The following ZNF239 variants were observed in gnomAD, a reference collection of about 807,000 sequenced individuals.
The protein encoded by ZNF239 is zinc finger protein 239, also known as zinc finger protein (C2H2) homologous to mouse MOK-2.
Under a neutral mutation model 27.5 loss-of-function variants are expected in ZNF239, and 16 were observed. That is an observed-to-expected ratio of 0.58 (90% CI 0.39 to 0.88). The LOEUF (loss-of-function observed/expected upper bound fraction) is 0.88, where lower values mean the gene tolerates loss of function less well. Among genes scored for constraint, ZNF239 ranks in the 40% least tolerant of loss-of-function variants. The pLI is 0.00. For synonymous variants in ZNF239, 199 were observed against 192.6 expected (o/e 1.03, Z -0.27); for missense variants, 527 against 551.9 (o/e 0.95, Z 0.45).
chr10:43,565,038 C>T (rs756651349), intron 3 of ZNF239, among the ~76,000 whole-genome samples: 84 of 152,152 alleles, frequency 5.5e-4, no homozygotes, highest in Middle Eastern at 3.2e-3. Flanking sequence ...GCAATAATGT[C>T]CCCAAGGGGT....
chr10:43,561,810 T>C lies in ZNF239; in HGVS notation c.-92-3639A>G, dbSNP rs181197926. Among the ~76,000 whole-genome samples, 945 of 151,464 alleles carry C rather than the reference T, an allele frequency of 6.2e-3. 6 individuals are homozygous for C. Among genetic ancestry groups the C allele is most frequent in the Admixed American group, 8.9e-3 (135 of 15,202 alleles). ...ACCAGTGTGTGCAACACGGCAAAAC[T>C]CTCTCTACAAAATACAAAACAAAAA... On this transcript the variant is annotated intron_variant, in intron 3 of 3. Coordinates refer to ENST00000374446, the MANE Select transcript of ZNF239 (RefSeq NM_001099282.2).
chr10:43,565,118 C>G (rs1837539363), intron 3 of ZNF239, among the ~76,000 whole-genome samples: 1 of 152,150 alleles, frequency 6.6e-6, no homozygotes, highest in African/African-American at 2.4e-5. Flanking sequence ...GAGTCTCACT[C>G]TGTCAACCAG....
At chr10:43,559,256 G>A (rs1837043509) in intron 3 of ZNF239, among the ~76,000 whole-genome samples, 1 of 152,200 alleles carries the variant, frequency 6.6e-6, no homozygotes, top group Non-Finnish European at 1.5e-5. Context: ...TTAATTCAGA[G>A]TGAAATGACT....
chr10:43,573,815 G>A (rs779240581), intron 1 of ZNF239, 138 bp from the exon 2 acceptor site: 9 of 182,778 alleles, frequency 4.9e-5, no homozygotes, highest in Non-Finnish European at 8.3e-5. Flanking sequence ...CAGGTGAGAG[G>A]TGAAGCATTT....
In ZNF239 at chr10:43,560,297, AC is replaced by A. The variant is rs1837128265; in HGVS notation, c.-92-2127del. ...TACACAATGACCAATGGATTAAGGT[AC>A]AAAAAAGAAGTAATTGACAACATAA... is the stretch of plus-strand genomic sequence containing the variant. On this transcript the variant is annotated intron_variant, in intron 3 of 3. Coordinates refer to ENST00000374446, the MANE Select transcript of ZNF239 (RefSeq NM_001099282.2). Among the ~76,000 whole-genome samples, 3 of 152,260 alleles carry A rather than the reference AC, an allele frequency of 2.0e-5. No homozygotes were observed. In the South Asian group the frequency reaches 6.2e-4, roughly 32 times the overall value.
At position 43,556,432 on chromosome 10, in the gene ZNF239, G is replaced by A. The variant is rs1488347793; in HGVS notation, c.*271C>T. ...TGAGAATAAATATAAAGTTCTTGCC[G>A]TTAAAATGCTGGGTAGAACATGTAG... On this transcript the variant is annotated 3_prime_UTR_variant, in exon 4 of 4. Coordinates refer to ENST00000374446, the MANE Select transcript of ZNF239 (RefSeq NM_001099282.2). The A allele has an allele frequency of 1.1e-5, 4 of 375,582 alleles. No individual in the cohort carries two copies. Among genetic ancestry groups the A allele is most frequent in the Admixed American group, 4.1e-5 (1 of 24,582 alleles). 23.3% of individuals were successfully genotyped at this position (375,582 alleles called of 1,614,324 possible). A position where few individuals can be genotyped will look rare whatever the true frequency, so the allele number is the denominator to read the frequency against.
rs750100513 is a variant in ZNF239, at chr10:43,557,125, A to T, written c.955T>A (p.Tyr319Asn). The T allele has an allele frequency of 1.2e-6, 2 of 1,612,998 alleles. No individual in the cohort carries two copies. Among genetic ancestry groups the T allele is most frequent in the Non-Finnish European group, 1.7e-6 (2 of 1,179,226 alleles). Residue 319 changes from tyrosine to asparagine, a missense_variant, in exon 4 of 4, where the codon TAT becomes AAT. Tyr to Asn is a moderately radical substitution (Grantham distance 143). Transcript: ENST00000374446. The part of the protein sequence containing the change: ...HQRVHTGEKP[Y>N]ECEECGMSFS... ...CTCATACCACACTCCTCACACTCATAGGGCTTCTCTCCAGTGTGGACTCGC... is the reference window on the plus strand; with the variant it reads ...CTCATACCACACTCCTCACACTCATTGGGCTTCTCTCCAGTGTGGACTCGC...
At chr10:43,558,320 T>A in intron 3 of ZNF239, 149 bp from the exon 4 acceptor site, 1 of 682,850 alleles carries the variant, frequency 1.5e-6, no homozygotes, top group Non-Finnish European at 2.3e-6. Context: ...TCAGGTACAT[T>A]TGTATCTGGG....
intron 1 of ZNF239, 75 bp from the exon 2 acceptor site, chr10:43,573,752 T>G: frequency 1.7e-6 from 1 of 603,208 alleles, no homozygotes; most frequent in Middle Eastern, 8.4e-4. Flanking sequence ...AAAAAGTTAC[T>G]CCGCTCCTGC....
At chr10:43,564,284 C>G in intron 3 of ZNF239, 1 of 984,218 alleles carries the variant, frequency 1.0e-6, no homozygotes, top group Non-Finnish European at 1.2e-6. Context: ...ACTTACTGAC[C>G]GTATAGTAAC....
chr10:43,564,170 G>T, intron 3 of ZNF239: 2 of 373,276 alleles, frequency 5.4e-6, no homozygotes, highest in Non-Finnish European at 7.4e-6. Context: ...TGATCCCTTA[G>T]CTCCCAGTTT....
chr10:43,558,791 T>C (rs1837000408), intron 3 of ZNF239, among the ~76,000 whole-genome samples: 1 of 152,236 alleles, frequency 6.6e-6, no homozygotes, highest in South Asian at 2.1e-4. Context: ...GTATTCTGCT[T>C]TCATAGGTGT....
intron 2 of ZNF239, among the ~76,000 whole-genome samples, chr10:43,568,695 C>G (rs1019672476): frequency 1.3e-5 from 2 of 152,164 alleles, no homozygotes; most frequent in East Asian, 3.8e-4. Flanking sequence ...CTTACCTCAC[C>G]TCCAGACTCC....
intron 3 of ZNF239, among the ~76,000 whole-genome samples, chr10:43,564,603 C>A (rs756194488): frequency 6.6e-6 from 1 of 151,966 alleles, no homozygotes; most frequent in Non-Finnish European, 1.5e-5. Context: ...GAATTTTGCT[C>A]TCTGAAGCCT....
Position 43,557,722 on chromosome 10 carries a change from G to A in ZNF239, c.358C>T (p.Leu120=). ...GCCAGTTCTTGTCCATCAGACACCA[G>A]TTTAACTTGAAGGTTCTCTGAACAA... The part of the protein sequence containing the change: ...ESCSENLQVK[L]VSDGQELASP... The change falls in exon 4 of 4, where the codon CTG becomes TTG. Residue 120 remains leucine (L), a synonymous_variant. Transcript: ENST00000374446. 6.2e-7 allele frequency: 1 copy of A among 1,614,128 alleles called. No homozygotes were observed. The highest frequency in any genetic ancestry group is 8.5e-7 in the Non-Finnish European group (1 of 1,180,032).
At position 43,556,586 on chromosome 10, in the gene ZNF239, A is replaced by G; in HGVS notation, c.*117T>C. 3.1e-6 allele frequency: 4 copies of G among 1,310,192 alleles called. No homozygotes were observed. The Admixed American group carries it at 1.0e-4, about 34-fold the overall frequency. 81.2% of individuals were successfully genotyped at this position (1,310,192 alleles called of 1,614,324 possible). On this transcript the variant is annotated 3_prime_UTR_variant, in exon 4 of 4. Coordinates refer to ENST00000374446, the MANE Select transcript of ZNF239 (RefSeq NM_001099282.2). ...ATGAGTGATTTTTCAGTGAGGGAAC[A>G]TATCTAAATAACCCTTACATCTCTC...
Position 43,557,779 on chromosome 10 carries a change from T to C in ZNF239, c.301A>G (p.Ser101Gly). 2 of 1,614,186 alleles carry C rather than the reference T, an allele frequency of 1.2e-6. No homozygotes were observed. Among genetic ancestry groups the C allele is most frequent in the Admixed American group, 1.7e-5 (1 of 60,034 alleles). ...CCCTTTATCACTTTTCTCTCAGTGC[T>C]TTCTTCCATTACAAAGAGACGTCTG... is the stretch of plus-strand genomic sequence containing the variant. ...ESRRLFVMEE[S>G]TERKVIKGES... The change falls in exon 4 of 4, where the codon AGC (serine) becomes GGC (glycine). Residue 101 changes from serine to glycine, a missense_variant. Ser to Gly is a moderately conservative substitution (Grantham distance 56). Transcript: ENST00000374446.
chr10:43,568,362 A>T (rs1476951476), intron 2 of ZNF239: 1 of 985,326 alleles, frequency 1.0e-6, no homozygotes, highest in Admixed American at 6.1e-5. Flanking sequence ...TCGCAGGAAC[A>T]ATTTACCCAA....
intron 2 of ZNF239, chr10:43,570,603 C>G (rs1837967093): frequency 5.1e-6 from 5 of 985,166 alleles, no homozygotes; most frequent in Non-Finnish European, 6.0e-6. Context: ...TCTGGATTGT[C>G]TAATCCTCCT....
Sources: gnomAD v4.1 joint callset for allele counts (sites outside exome capture counted in the v4.1 genomes callset) on GRCh38, gnomAD v4.1.1 for gene constraint, MANE v1.5 for transcripts, NCBI Gene and HGNC (gene_info 2026-07-23, HGNC 2026-07-21) for gene names.